The following DOK6 variants were observed in gnomAD, a reference collection of about 807,000 sequenced individuals.
DOK6 encodes docking protein 6, also known as downstream of tyrosine kinase 6.
Under a neutral mutation model 44.0 loss-of-function variants are expected in DOK6, and 22 were observed. The ratio of observed to expected loss-of-function variants is 0.50; its 90% CI spans 0.36 to 0.71. DOK6 has a LOEUF of 0.71. Among genes scored for constraint, DOK6 ranks in the 30% least tolerant of loss-of-function variants. The pLI is 0.00. For missense variants in DOK6, 340 were observed against 416.4 expected (o/e 0.82, Z 1.60); for synonymous variants, 166 against 145.5 (o/e 1.14, Z -1.01).
At chr18:69,641,229 A>C (rs953948884) in intron 3 of DOK6, among the ~76,000 whole-genome samples, 24 of 152,238 alleles carry the variant, frequency 1.6e-4, no homozygotes, top group African/African-American at 5.8e-4. Context: ...AAAAGAAAAA[A>C]AAAAAGAACT....
intron 3 of DOK6, among the ~76,000 whole-genome samples, chr18:69,611,189 A>C (rs1024294162): frequency 6.6e-6 from 1 of 152,192 alleles, no homozygotes. Context: ...TTGTGCATGA[A>C]TGTGTTCAGT....
At chr18:69,591,333 TAACA>T (rs1983617488) in intron 2 of DOK6, among the ~76,000 whole-genome samples, 1 of 152,098 alleles carries the variant, frequency 6.6e-6, no homozygotes, top group Admixed American at 6.6e-5. Flanking sequence ...GTCACAAGCC[TAACA>T]GTTACTTAAA....
chr18:69,627,102 T>C (rs1015485879), intron 3 of DOK6, among the ~76,000 whole-genome samples: 9 of 152,020 alleles, frequency 5.9e-5, no homozygotes, highest in Non-Finnish European at 1.2e-4. Flanking sequence ...GGGCATGGAG[T>C]CCTGCCGAGT....
chr18:69,578,384 C>T (rs767685002), intron 2 of DOK6, among the ~76,000 whole-genome samples: 3 of 152,142 alleles, frequency 2.0e-5, no homozygotes, highest in Admixed American at 6.5e-5. Context: ...GTGTAAAAGT[C>T]ATTTCTGCCT....
At position 69,842,992 on chromosome 18, in the gene DOK6, C is replaced by T. The variant is rs1982267083; in HGVS notation, c.*1609C>T. 6.6e-6 allele frequency: 1 copy of T among 151,902 alleles called. No individual in the cohort carries two copies. Among genetic ancestry groups the T allele is most frequent in the Non-Finnish European group, 1.5e-5 (1 of 67,972 alleles). The allele number at this position is 151,902 out of a possible 1,614,324, so 9.4% of individuals were successfully genotyped here. A position where few individuals can be genotyped will look rare whatever the true frequency, so the allele number is the denominator to read the frequency against. Reference sequence around the variant, plus strand: ...ATCTCTGATGAGTTGTCTTTTCATCCCTATCTGTAGCTTGAGTGCAGATTG... The same window carrying T: ...ATCTCTGATGAGTTGTCTTTTCATCTCTATCTGTAGCTTGAGTGCAGATTG... On this transcript the variant is annotated 3_prime_UTR_variant, in exon 8 of 8. Transcript: ENST00000382713.
chr18:69,734,685 C>T (rs756829423), intron 5 of DOK6, among the ~76,000 whole-genome samples: 7 of 152,136 alleles, frequency 4.6e-5, no homozygotes, highest in South Asian at 2.1e-4. Flanking sequence ...TATTGCAAAA[C>T]TTACAGTGAC....
chr18:69,459,893 G>A (rs1446389071), intron 1 of DOK6, among the ~76,000 whole-genome samples: 1 of 152,144 alleles, frequency 6.6e-6, no homozygotes, highest in Non-Finnish European at 1.5e-5. Context: ...AAAGTTGTTG[G>A]AGAAACTACC....
chr18:69,422,830 T>A (rs1028014498), intron 1 of DOK6, among the ~76,000 whole-genome samples: 10 of 152,218 alleles, frequency 6.6e-5, no homozygotes, highest in African/African-American at 2.4e-4. Flanking sequence ...TTACCTAGAC[T>A]AATAATTTAA....
At chr18:69,789,292 G>C (rs924323645) in intron 7 of DOK6, among the ~76,000 whole-genome samples, 8 of 151,978 alleles carry the variant, frequency 5.3e-5, no homozygotes, top group Non-Finnish European at 7.4e-5. Context: ...CTGGCTTTAT[G>C]AGTAAACTAA....
At chr18:69,837,743 G>A (rs922228454) in intron 7 of DOK6, among the ~76,000 whole-genome samples, 1 of 152,122 alleles carries the variant, frequency 6.6e-6, no homozygotes, top group Admixed American at 6.5e-5. Context: ...GCTCCAAAAG[G>A]CATGGAAGAA....
intron 7 of DOK6, among the ~76,000 whole-genome samples, chr18:69,837,188 A>C (rs972956754): frequency 2.0e-5 from 3 of 152,164 alleles, no homozygotes; most frequent in African/African-American, 7.2e-5. Context: ...GGTAATTAAT[A>C]AGAAAAGAAA....
At chr18:69,542,484 A>G (rs1962665) in intron 1 of DOK6, among the ~76,000 whole-genome samples, 27,693 of 151,210 alleles carry the variant, frequency 0.18, 3,731 homozygotes, top group Middle Eastern at 0.35. Context: ...AGAGAAAAAG[A>G]TAAGTTAAGC....
chr18:69,775,599 A>G (rs1195187108), intron 7 of DOK6, among the ~76,000 whole-genome samples: 2 of 151,788 alleles, frequency 1.3e-5, no homozygotes, highest in Non-Finnish European at 2.9e-5. Flanking sequence ...AATTAATGTA[A>G]TTAGAAGTAG....
At chr18:69,703,082 T>C (rs538021680) in intron 5 of DOK6, among the ~76,000 whole-genome samples, 4 of 151,786 alleles carry the variant, frequency 2.6e-5, no homozygotes, top group African/African-American at 7.3e-5. Context: ...GGTATTATCA[T>C]AGCAAGAGAT....
At chr18:69,666,093 A>G (rs1985650318) in intron 3 of DOK6, among the ~76,000 whole-genome samples, 1 of 152,152 alleles carries the variant, frequency 6.6e-6, no homozygotes, top group Admixed American at 6.6e-5. Context: ...TTCAACCTCG[A>G]AAAGCTCCAA....
chr18:69,690,597 T>A (rs969941462), intron 4 of DOK6, among the ~76,000 whole-genome samples: 8 of 152,228 alleles, frequency 5.3e-5, no homozygotes, highest in African/African-American at 1.9e-4. Flanking sequence ...TCTCATCTTC[T>A]GTGTAATATC....
intron 1 of DOK6, among the ~76,000 whole-genome samples, chr18:69,448,858 G>A (rs761777287): frequency 6.6e-6 from 1 of 152,006 alleles, no homozygotes; most frequent in Non-Finnish European, 1.5e-5. Context: ...GAAAAATATG[G>A]CAATTTTCTA....
chr18:69,493,633 CAT>C (rs571731022), intron 1 of DOK6, among the ~76,000 whole-genome samples: 234 of 152,086 alleles, frequency 1.5e-3, no homozygotes, highest in Non-Finnish European at 2.5e-3. Flanking sequence ...TTTTCAAAAT[CAT>C]AGAGATACAT....
rs1980592089 is a variant in DOK6 at position 69,486,923 on chromosome 18, T to G, written c.67-77564T>G. Among the ~76,000 whole-genome samples, 3 of 152,178 alleles carry G rather than the reference T, an allele frequency of 2.0e-5. No homozygotes were observed. In the South Asian group the frequency reaches 6.2e-4, roughly 31 times the overall value. ...TATACACCTATTTTCCTGTTTGACA[T>G]TTTATATTTTTCTTCATCCTTATTT... On this transcript the variant is annotated intron_variant, in intron 1 of 7. Transcript: ENST00000382713.
Sources: gnomAD v4.1 joint callset for allele counts (sites outside exome capture counted in the v4.1 genomes callset) on GRCh38, gnomAD v4.1.1 for gene constraint, MANE v1.5 for transcripts, NCBI Gene and HGNC (gene_info 2026-07-23, HGNC 2026-07-21) for gene names.